DLGAP2: variants seen among roughly 807,000 people sequenced by gnomAD.
The protein encoded by DLGAP2 is DLG associated protein 2, also known as disks large-associated protein 2.
DLGAP2 carries 26 observed loss-of-function variants against 100.3 expected under a neutral mutation model. That is an observed-to-expected ratio of 0.26 (90% CI 0.19 to 0.36). DLGAP2 has a LOEUF of 0.36. Among genes scored for constraint, DLGAP2 ranks in the 10% least tolerant of loss-of-function variants. The pLI is 1.00. For synonymous variants in DLGAP2, 886 were observed against 630.1 expected (o/e 1.41, Z -6.08); for missense variants, 1,858 against 1,453.2 (o/e 1.28, Z -4.53).
At chr8:1,308,107 A>G (rs1172870684) in intron 3 of DLGAP2, among the ~76,000 whole-genome samples, 2 of 152,216 alleles carry the variant, frequency 1.3e-5, no homozygotes, top group Admixed American at 6.5e-5. Flanking sequence ...AGGCCTAGGA[A>G]GACCTGCAGC....
chr8:895,378 C>A (rs1361584136), intron 1 of DLGAP2, among the ~76,000 whole-genome samples: 1 of 152,116 alleles, frequency 6.6e-6, no homozygotes, highest in Non-Finnish European at 1.5e-5. Context: ...GTTTTATCTG[C>A]AGCATCCCCC....
At chr8:1,648,968 T>G (rs1362566097) in intron 8 of DLGAP2, among the ~76,000 whole-genome samples, 1 of 152,158 alleles carries the variant, frequency 6.6e-6, no homozygotes, top group Non-Finnish European at 1.5e-5. Flanking sequence ...TGCAGGCGTT[T>G]CCCAGATCGG....
chr8:1,426,258 G>A (rs1797234206), intron 3 of DLGAP2, among the ~76,000 whole-genome samples: 1 of 152,178 alleles, frequency 6.6e-6, no homozygotes, highest in Non-Finnish European at 1.5e-5. Context: ...AAGAACAGAT[G>A]TCTATGAAAA....
At chr8:1,683,417 G>C (rs762564755) in intron 12 of DLGAP2, among the ~76,000 whole-genome samples, 1 of 151,466 alleles carries the variant, frequency 6.6e-6, no homozygotes, top group African/African-American at 2.4e-5. Flanking sequence ...TCCTGCCTGT[G>C]GGGAGGGTCT....
intron 2 of DLGAP2, among the ~76,000 whole-genome samples, chr8:909,219 T>C (rs1798437949): frequency 6.6e-6 from 1 of 152,216 alleles, no homozygotes; most frequent in Non-Finnish European, 1.5e-5. Context: ...GGGCCTCTTT[T>C]TATTTTCTGG....
intron 3 of DLGAP2, among the ~76,000 whole-genome samples, chr8:1,447,505 T>C (rs1279208010): frequency 6.6e-6 from 1 of 152,246 alleles, no homozygotes; most frequent in Non-Finnish European, 1.5e-5. Flanking sequence ...TTATTGAGGA[T>C]TTTTGCATCA....
chr8:1,607,433 T>A (rs1348991802), intron 6 of DLGAP2, among the ~76,000 whole-genome samples: 7 of 152,262 alleles, frequency 4.6e-5, no homozygotes, highest in Non-Finnish European at 1.0e-4. Context: ...TCAAAGGAAA[T>A]CTAATTTATA....
At chr8:1,295,716 C>G (rs1454605275) in intron 3 of DLGAP2, among the ~76,000 whole-genome samples, 1 of 152,218 alleles carries the variant, frequency 6.6e-6, no homozygotes, top group Non-Finnish European at 1.5e-5. Context: ...GGGCCCCAGT[C>G]TCTCTGTGGG....
At chr8:1,226,629 G>C (rs1272836499) in intron 2 of DLGAP2, among the ~76,000 whole-genome samples, 1 of 152,096 alleles carries the variant, frequency 6.6e-6, no homozygotes, top group East Asian at 1.9e-4. Context: ...AAAAATAAAT[G>C]AAATATGGGC....
chr8:1,279,577 A>G (rs986313779), intron 3 of DLGAP2, among the ~76,000 whole-genome samples: 1 of 152,202 alleles, frequency 6.6e-6, no homozygotes, highest in African/African-American at 2.4e-5. Flanking sequence ...AACAACACAC[A>G]TGTGTCATCT....
intron 3 of DLGAP2, among the ~76,000 whole-genome samples, chr8:1,459,000 A>G (rs928271341): frequency 2.0e-5 from 3 of 151,786 alleles, no homozygotes; most frequent in East Asian, 2.0e-4. Context: ...GGGTCACCCT[A>G]CAGACCAGCA....
At chr8:780,608 C>G (rs776383427) in intron 1 of DLGAP2, among the ~76,000 whole-genome samples, 1 of 152,242 alleles carries the variant, frequency 6.6e-6, no homozygotes, top group African/African-American at 2.4e-5. Context: ...GAGTCCCCTT[C>G]ACCCATATCC....
chr8:1,353,905 A>C (rs979839038), intron 3 of DLGAP2, among the ~76,000 whole-genome samples: 7 of 152,240 alleles, frequency 4.6e-5, no homozygotes, highest in African/African-American at 1.7e-4. Context: ...AAATCAGCGA[A>C]GGGGAAAAAA....
intron 2 of DLGAP2, among the ~76,000 whole-genome samples, chr8:1,052,119 G>A (rs1244826000): frequency 6.6e-6 from 1 of 152,128 alleles, no homozygotes; most frequent in Non-Finnish European, 1.5e-5. Context: ...TGCAGCCCCA[G>A]AGTGCCTATT....
At chr8:969,570 AATT>A (rs1164179996) in intron 2 of DLGAP2, among the ~76,000 whole-genome samples, 1 of 152,042 alleles carries the variant, frequency 6.6e-6, no homozygotes, top group Non-Finnish European at 1.5e-5. Context: ...AAACTTAAAT[AATT>A]ATATTACCAA....
At chr8:1,103,448 C>T (rs1362436699) in intron 2 of DLGAP2, among the ~76,000 whole-genome samples, 1 of 149,728 alleles carries the variant, frequency 6.7e-6, no homozygotes, top group Non-Finnish European at 1.5e-5. Context: ...ACGGTGATGA[C>T]TGGCGGGGCC....
At chr8:1,325,525 A>G (rs1359357482) in intron 3 of DLGAP2, among the ~76,000 whole-genome samples, 2 of 152,180 alleles carry the variant, frequency 1.3e-5, no homozygotes, top group African/African-American at 4.8e-5. Context: ...CTTTGTACGC[A>G]TACATTGCTA....
At chr8:1,677,534 C>G (rs1192800049) in intron 11 of DLGAP2, among the ~76,000 whole-genome samples, 1 of 152,164 alleles carries the variant, frequency 6.6e-6, no homozygotes, top group African/African-American at 2.4e-5. Flanking sequence ...CACACACACA[C>G]CACACAGGCA....
At chr8:905,000 G>T (rs1453877900) in intron 1 of DLGAP2, among the ~76,000 whole-genome samples, 1 of 152,214 alleles carries the variant, frequency 6.6e-6, no homozygotes. Context: ...CAGAGGCCGT[G>T]GCTGGTCTGG....
Sources: allele counts gnomAD v4.1 joint callset (sites outside exome capture counted in the v4.1 genomes callset), GRCh38; gene constraint gnomAD v4.1.1; transcripts MANE v1.5; gene names NCBI Gene and HGNC (gene_info 2026-07-23, HGNC 2026-07-21).